The following MEF2A variants were observed in gnomAD, a reference collection of about 807,000 sequenced individuals.
MEF2A encodes myocyte-specific enhancer factor 2A.
In MEF2A, 28 loss-of-function variants were observed where a neutral mutation model predicts 55.8. The observed-to-expected ratio is 0.50, with a 90% CI of 0.37 to 0.69. The LOEUF is 0.69. Among genes scored for constraint, MEF2A ranks in the 30% least tolerant of loss-of-function variants. MEF2A has a pLI of 0.00. For synonymous variants in MEF2A, 239 were observed against 227.1 expected (o/e 1.05, Z -0.47); for missense variants, 528 against 626.2 (o/e 0.84, Z 1.67).
chr15:99,678,660 C>CTTT (rs2052590186), intron 7 of MEF2A: 1 of 984,970 alleles, frequency 1.0e-6, no homozygotes, highest in Admixed American at 6.1e-5. Context: ...CCATGTACTG[C>CTTT]TAAAAGAAGA....
intron 3 of MEF2A, among the ~76,000 whole-genome samples, chr15:99,638,821 T>G (rs1010359824): frequency 6.6e-6 from 1 of 152,190 alleles, no homozygotes; most frequent in African/African-American, 2.4e-5. Context: ...GATGCAGTCT[T>G]TTGACATGTC....
intron 1 of MEF2A, among the ~76,000 whole-genome samples, chr15:99,586,248 CTG>C (rs931194481): frequency 2.0e-5 from 3 of 152,118 alleles, no homozygotes; most frequent in African/African-American, 7.2e-5. Context: ...TCATAAGAAA[CTG>C]TGCAACTGTT....
chr15:99,611,215 C>G (rs894064049), intron 2 of MEF2A, among the ~76,000 whole-genome samples: 42 of 152,222 alleles, frequency 2.8e-4, no homozygotes, highest in Non-Finnish European at 4.9e-4. Flanking sequence ...GGACTCCAGC[C>G]TGGATGACAG....
chr15:99,630,268 A>T (rs964107118), intron 2 of MEF2A, among the ~76,000 whole-genome samples: 2 of 150,894 alleles, frequency 1.3e-5, no homozygotes, highest in Non-Finnish European at 3.0e-5. Context: ...GTAATTTCTC[A>T]TTCTTTTCTA....
intron 1 of MEF2A, among the ~76,000 whole-genome samples, chr15:99,571,352 C>G (rs1359878933): frequency 3.3e-5 from 5 of 152,112 alleles, no homozygotes; most frequent in Admixed American, 3.3e-4. Context: ...TTATTTCATA[C>G]AGTTTTTGAG....
intron 4 of MEF2A, among the ~76,000 whole-genome samples, chr15:99,661,780 A>G (rs2048684705): frequency 6.6e-6 from 1 of 152,064 alleles, no homozygotes; most frequent in Non-Finnish European, 1.5e-5. Flanking sequence ...TCTATTCCTA[A>G]GAATACATAC....
intron 3 of MEF2A, among the ~76,000 whole-genome samples, chr15:99,639,546 G>A (rs910620381): frequency 6.6e-6 from 1 of 152,086 alleles, no homozygotes; most frequent in Non-Finnish European, 1.5e-5. Context: ...TACATCTGTT[G>A]ACCTGTCTCA....
chr15:99,689,502 A>T (rs1055084090), intron 7 of MEF2A, among the ~76,000 whole-genome samples: 2 of 152,052 alleles, frequency 1.3e-5, no homozygotes. Flanking sequence ...TTTCTTTGAG[A>T]CACAGTTTCA....
rs2043192071 is a variant in MEF2A, at chr15:99,633,116, G to A, written c.-4G>A. Reference sequence around the variant, plus strand: ...TATAAGGAAATAAGGAAAGTTGACTGAAAATGGGGCGGAAGAAAATACAAA... The same window carrying A: ...TATAAGGAAATAAGGAAAGTTGACTAAAAATGGGGCGGAAGAAAATACAAA... On this transcript the variant is annotated 5_prime_UTR_variant, in exon 3 of 12. Coordinates refer to ENST00000557942, the MANE Select transcript of MEF2A (RefSeq NM_001319206.4). 1.2e-6 allele frequency: 2 copies of A among 1,600,764 alleles called. No homozygotes were observed. The highest frequency in any genetic ancestry group is 1.7e-6 in the Non-Finnish European group (2 of 1,173,816).
At chr15:99,592,922 G>A (rs1046187210) in intron 1 of MEF2A, among the ~76,000 whole-genome samples, 1 of 152,154 alleles carries the variant, frequency 6.6e-6, no homozygotes, top group African/African-American at 2.4e-5. Flanking sequence ...TGTTAGGGAT[G>A]TAGGTTGGAA....
Position 99,666,610 on chromosome 15 carries a change from T to TAATAATAAA in MEF2A, c.259-4711_259-4710insTAATAAAAA, listed in dbSNP as rs558175306. 1.7e-4 allele frequency among the ~76,000 whole-genome samples: 25 copies of TAATAATAAA among 148,428 alleles called. 1 individual carries two copies. The highest frequency in any genetic ancestry group is 1.1e-3 in the South Asian group (5 of 4,736). On this transcript the variant is annotated intron_variant, in intron 4 of 11. Coordinates refer to ENST00000557942, the MANE Select transcript of MEF2A (RefSeq NM_001319206.4). ...ATAATAATAATAATAATAATAATAA[T>TAATAATAAA]AAAAAGATCAGCAAAGAAAAAAAAG...
At chr15:99,691,093 G>C (rs529355673) in intron 8 of MEF2A, among the ~76,000 whole-genome samples, 1 of 135,056 alleles carries the variant, frequency 7.4e-6, no homozygotes, top group African/African-American at 2.8e-5. Flanking sequence ...AACACCTTTC[G>C]AATCAGGTTT....
At chr15:99,612,012 A>G (rs1002815888) in intron 2 of MEF2A, among the ~76,000 whole-genome samples, 28 of 152,172 alleles carry the variant, frequency 1.8e-4, no homozygotes, top group Non-Finnish European at 4.4e-5. Flanking sequence ...TAGGGAGAGG[A>G]AGGAGTGGGG....
intron 1 of MEF2A, among the ~76,000 whole-genome samples, chr15:99,578,907 T>G (rs1965139495): frequency 6.6e-6 from 1 of 152,242 alleles, no homozygotes; most frequent in Non-Finnish European, 1.5e-5. Flanking sequence ...GATAAATGTG[T>G]TACTTTACCA....
At chr15:99,567,645 G>GTT (rs1025506915) in intron 1 of MEF2A, among the ~76,000 whole-genome samples, 4 of 151,726 alleles carry the variant, frequency 2.6e-5, no homozygotes, top group Non-Finnish European at 5.9e-5. Flanking sequence ...GTGTGTGTGT[G>GTT]TGTGTGTGTG....
Position 99,645,867 on chromosome 15 carries a change from G to A in MEF2A, c.258+103G>A, listed in dbSNP as rs554994928. The A allele has an allele frequency of 1.2e-4, 97 of 790,714 alleles. 1 individual carries two copies. The African/African-American group carries it at 1.3e-3, about 10-fold the overall frequency. 49.0% of individuals were successfully genotyped at this position (790,714 alleles called of 1,614,324 possible). On this transcript the variant is annotated intron_variant, in intron 4 of 11. Transcript: ENST00000557942. ...CTTGTACATCTAAAACATAAATTAG[G>A]TGTATATGTATCTTTTCTCTAAATC...
intron 2 of MEF2A, among the ~76,000 whole-genome samples, chr15:99,610,723 C>A (rs1976947702): frequency 1.3e-5 from 2 of 151,846 alleles, no homozygotes. Context: ...AGGGAAATAG[C>A]CTTTTTAACA....
Position 99,674,538 on chromosome 15 carries a change from C to G in MEF2A, c.536C>G (p.Ser179Cys). The G allele has an allele frequency of 6.2e-7, 1 of 1,613,974 alleles. No homozygotes were observed. The highest frequency in any genetic ancestry group is 2.2e-5 in the East Asian group (1 of 44,876). Residue 179 changes from serine to cysteine, a missense_variant, in exon 6 of 12, where the codon TCT (serine) becomes TGT (cysteine). By Grantham distance (112) the Ser-to-Cys change is moderately radical. Around this residue, in one of 2 missense-constraint regions of MEF2A, gnomAD observed 450 missense variants for 475.3 expected, o/e 0.95. Coordinates refer to ENST00000557942, the MANE Select transcript of MEF2A (RefSeq NM_001319206.4). The part of the protein sequence containing the change: ...SSTLTDSSML[S>C]PPQTTLHRNV... The stretch of plus-strand genomic sequence containing the variant: ...ACGTTAACAGATTCAAGCATGCTCT[C>G]TCCACCTCAAACCACATTACATAGA...
chr15:99,618,147 A>G (rs1193579990), intron 2 of MEF2A, among the ~76,000 whole-genome samples: 1 of 152,196 alleles, frequency 6.6e-6, no homozygotes, highest in Admixed American at 6.5e-5. Context: ...TTCAATTAAT[A>G]TTACATATTA....
Sources: gnomAD v4.1 joint callset for allele counts (sites outside exome capture counted in the v4.1 genomes callset) on GRCh38, gnomAD v4.1.1 for gene constraint, gnomAD v4.1.1 regional missense constraint, MANE v1.5 for transcripts, NCBI Gene and HGNC (gene_info 2026-07-23, HGNC 2026-07-21) for gene names.